The following ARHGAP15 variants were observed in gnomAD, a reference collection of about 807,000 sequenced individuals.
The protein encoded by ARHGAP15 is rho GTPase-activating protein 15.
In ARHGAP15, 51 loss-of-function variants were observed where a neutral mutation model predicts 63.7. The ratio of observed to expected loss-of-function variants is 0.80; its 90% CI spans 0.64 to 1.01. ARHGAP15 has a LOEUF of 1.01. Among genes scored for constraint, ARHGAP15 ranks in the 50% least tolerant of loss-of-function variants. The pLI is 0.00. For missense variants in ARHGAP15, 560 were observed against 564.6 expected (o/e 0.99, Z 0.08); for synonymous variants, 191 against 193.8 (o/e 0.99, Z 0.12).
At chr2:143,240,616 G>A (rs1194623160) in intron 5 of ARHGAP15, among the ~76,000 whole-genome samples, 1 of 152,144 alleles carries the variant, frequency 6.6e-6, no homozygotes, top group Non-Finnish European at 1.5e-5. Context: ...TGCCACATCA[G>A]CATGGTTATC....
At chr2:143,658,300 G>A (rs1326919183) in intron 12 of ARHGAP15, among the ~76,000 whole-genome samples, 2 of 152,198 alleles carry the variant, frequency 1.3e-5, no homozygotes, top group African/African-American at 4.8e-5. Flanking sequence ...TAGAAGACAT[G>A]TATAGGCAGT....
intron 8 of ARHGAP15, among the ~76,000 whole-genome samples, chr2:143,467,626 C>T (rs151053261): frequency 1.3e-5 from 2 of 151,860 alleles, no homozygotes; most frequent in Non-Finnish European, 2.9e-5. Flanking sequence ...AGAAATTTCC[C>T]GAAGAATATC....
intron 11 of ARHGAP15, among the ~76,000 whole-genome samples, chr2:143,569,720 T>C (rs922381473): frequency 1.3e-5 from 2 of 152,328 alleles, no homozygotes; most frequent in African/African-American, 4.8e-5. Flanking sequence ...TTTATTTATT[T>C]GTTTTTAAAT....
rs1680794323 is a variant in ARHGAP15, at chr2:143,262,784, A to G, written c.474+12184A>G. On this transcript the variant is annotated intron_variant, in intron 6 of 13. Transcript: ENST00000295095. ...GTACACATCATGAGTATCCATAGTT[A>G]CCATGCAGTGGTCACAGCTTTGAGT... is the stretch of plus-strand genomic sequence containing the variant. 3.3e-5 allele frequency among the ~76,000 whole-genome samples: 5 copies of G among 152,074 alleles called. No individual in the cohort carries two copies. The South Asian group carries it at 1.0e-3, about 32-fold the overall frequency.
At chr2:143,151,026 G>T (rs1441580572) in intron 1 of ARHGAP15, among the ~76,000 whole-genome samples, 1 of 152,002 alleles carries the variant, frequency 6.6e-6, no homozygotes, top group East Asian at 1.9e-4. Flanking sequence ...TGGAACAACA[G>T]AATATAATTT....
At chr2:143,435,011 T>C (rs73003358) in intron 6 of ARHGAP15, among the ~76,000 whole-genome samples, 4,506 of 152,270 alleles carry the variant, frequency 0.03, 240 homozygotes, top group African/African-American at 0.1. Context: ...AATGAACTTT[T>C]ATTTTAATAT....
At chr2:143,323,171 A>G (rs1261192718) in intron 6 of ARHGAP15, among the ~76,000 whole-genome samples, 1 of 152,176 alleles carries the variant, frequency 6.6e-6, no homozygotes, top group East Asian at 1.9e-4. Context: ...TATGTGTGAG[A>G]GTGTTTCACA....
intron 10 of ARHGAP15, among the ~76,000 whole-genome samples, chr2:143,530,419 C>G (rs1694472011): frequency 6.6e-6 from 1 of 152,166 alleles, no homozygotes; most frequent in Non-Finnish European, 1.5e-5. Flanking sequence ...AAACCAGTCT[C>G]TCAACAAATA....
intron 11 of ARHGAP15, among the ~76,000 whole-genome samples, chr2:143,566,261 T>C (rs1696217884): frequency 6.6e-6 from 1 of 152,324 alleles, no homozygotes; most frequent in Non-Finnish European, 1.5e-5. Flanking sequence ...AAGATAGCCT[T>C]ATCTGCTTCT....
intron 8 of ARHGAP15, among the ~76,000 whole-genome samples, chr2:143,474,726 C>T (rs946723232): frequency 2.6e-5 from 4 of 152,156 alleles, no homozygotes; most frequent in Non-Finnish European, 4.4e-5. Flanking sequence ...AAAAGCTAGG[C>T]GCATTCACTC....
At chr2:143,553,980 C>G (rs1346016865) in intron 10 of ARHGAP15, among the ~76,000 whole-genome samples, 1 of 152,006 alleles carries the variant, frequency 6.6e-6, no homozygotes, top group Non-Finnish European at 1.5e-5. Context: ...CCCTTATTTG[C>G]AATTAAATTT....
intron 11 of ARHGAP15, among the ~76,000 whole-genome samples, chr2:143,578,456 A>G (rs1231381121): frequency 1.3e-5 from 2 of 152,206 alleles, no homozygotes; most frequent in Non-Finnish European, 2.9e-5. Flanking sequence ...AAATCTTGCC[A>G]AGACCTGATA....
chr2:143,484,959 A>G (rs1692258297), intron 8 of ARHGAP15, among the ~76,000 whole-genome samples: 3 of 152,198 alleles, frequency 2.0e-5, no homozygotes, highest in Non-Finnish European at 4.4e-5. Flanking sequence ...ATAGCCAAAG[A>G]ATATACAGTA....
intron 2 of ARHGAP15, among the ~76,000 whole-genome samples, chr2:143,165,011 G>C (rs528393968): frequency 2.0e-5 from 3 of 151,934 alleles, no homozygotes; most frequent in Admixed American, 2.0e-4. Flanking sequence ...AAAATCAAAC[G>C]GAAATAAATC....
intron 6 of ARHGAP15, among the ~76,000 whole-genome samples, chr2:143,265,260 A>G (rs1257757225): frequency 6.6e-6 from 1 of 151,556 alleles, no homozygotes; most frequent in Non-Finnish European, 1.5e-5. Context: ...AACAGAATCC[A>G]GGGTTGTCAC....
At chr2:143,178,362 T>G (rs182404706) in intron 2 of ARHGAP15, among the ~76,000 whole-genome samples, 1 of 152,316 alleles carries the variant, frequency 6.6e-6, no homozygotes, top group East Asian at 1.9e-4. Context: ...GATGAAATTT[T>G]TCTTATTAAT....
chr2:143,520,341 C>T (rs1345450361), intron 10 of ARHGAP15, among the ~76,000 whole-genome samples: 1 of 152,174 alleles, frequency 6.6e-6, no homozygotes, highest in African/African-American at 2.4e-5. Context: ...AAATGGTCTG[C>T]AATTTCTAAC....
At chr2:143,511,795 A>C (rs1393860330) in intron 9 of ARHGAP15, among the ~76,000 whole-genome samples, 1 of 152,034 alleles carries the variant, frequency 6.6e-6, no homozygotes, top group Non-Finnish European at 1.5e-5. Flanking sequence ...GGTGTATGAA[A>C]CTCTAGGTGT....
chr2:143,615,762 T>C (rs1399677447), intron 11 of ARHGAP15, among the ~76,000 whole-genome samples: 1 of 152,210 alleles, frequency 6.6e-6, no homozygotes, highest in Non-Finnish European at 1.5e-5. Context: ...TGAAGCAAGC[T>C]TTCAAAAATG....
Sources: gnomAD v4.1 joint callset for allele counts (sites outside exome capture counted in the v4.1 genomes callset) on GRCh38, gnomAD v4.1.1 for gene constraint, MANE v1.5 for transcripts, NCBI Gene and HGNC (gene_info 2026-07-23, HGNC 2026-07-21) for gene names.